Variants in WAPL observed in about 807,000 individuals in gnomAD.
The protein encoded by WAPL is wings apart-like protein homolog.
A neutral mutation model predicts 121.0 loss-of-function variants in WAPL; 5 were observed. The ratio of observed to expected loss-of-function variants is 0.04; its 90% CI spans 0.02 to 0.09. WAPL has a LOEUF of 0.09. Among genes scored for constraint, WAPL ranks in the 10% least tolerant of loss-of-function variants. WAPL has a pLI of 1.00. For missense variants in WAPL, 999 were observed against 1,410.8 expected (o/e 0.71, Z 4.68); for synonymous variants, 480 against 481.5 (o/e 1.00, Z 0.04).
intron 8 of WAPL, among the ~76,000 whole-genome samples, chr10:86,469,519 G>C (rs1365610294): frequency 6.6e-6 from 1 of 151,888 alleles, no homozygotes; most frequent in Non-Finnish European, 1.5e-5. Context: ...CTCCCAAAGT[G>C]CTAGGATTAT....
intron 12 of WAPL, among the ~76,000 whole-genome samples, chr10:86,457,471 G>A: frequency 6.6e-6 from 1 of 151,908 alleles, no homozygotes. Flanking sequence ...TGGTCAACAT[G>A]GTGAAACCCC....
At chr10:86,480,505 G>C (rs1841756877) in intron 4 of WAPL, among the ~76,000 whole-genome samples, 1 of 152,102 alleles carries the variant, frequency 6.6e-6, no homozygotes, top group African/African-American at 2.4e-5. Flanking sequence ...ACTAGTATGA[G>C]AGCCATGACC....
At chr10:86,495,696 T>C (rs1484442147) in intron 4 of WAPL, among the ~76,000 whole-genome samples, 1 of 152,136 alleles carries the variant, frequency 6.6e-6, no homozygotes. Flanking sequence ...TGTTTTTGCA[T>C]CAAAGGACAA....
chr10:86,496,880 G>T (rs1842160204), intron 4 of WAPL, among the ~76,000 whole-genome samples: 1 of 34,238 alleles, frequency 2.9e-5, no homozygotes, highest in African/African-American at 8.1e-5. Flanking sequence ...TTGACTAGGT[G>T]TGCAGTGGGG....
intron 1 of WAPL, among the ~76,000 whole-genome samples, chr10:86,520,769 A>T (rs1393024986): frequency 9.9e-5 from 9 of 90,944 alleles, no homozygotes; most frequent in African/African-American, 2.2e-4. Flanking sequence ...TGTGATTTAA[A>T]AAAAAAAAAA....
At chr10:86,497,740 C>T (rs552567284) in intron 3 of WAPL, among the ~76,000 whole-genome samples, 82 of 152,280 alleles carry the variant, frequency 5.4e-4, no homozygotes, top group Non-Finnish European at 9.4e-4. Flanking sequence ...TCCACTAAAT[C>T]ATGTTGGCCT....
At chr10:86,512,375 A>C (rs143909518) in intron 2 of WAPL, among the ~76,000 whole-genome samples, 1 of 152,376 alleles carries the variant, frequency 6.6e-6, no homozygotes, top group East Asian at 1.9e-4. Flanking sequence ...TGTAGACTGA[A>C]TCCCAGCTGG....
chr10:86,503,509 T>C (rs1435447261), intron 2 of WAPL, among the ~76,000 whole-genome samples: 2 of 152,100 alleles, frequency 1.3e-5, no homozygotes, highest in Admixed American at 6.5e-5. Flanking sequence ...TCCCAGCACT[T>C]TGGGAGGCCG....
chr10:86,464,669 A>C (rs181099870), intron 9 of WAPL, among the ~76,000 whole-genome samples: 130 of 152,328 alleles, frequency 8.5e-4, no homozygotes, highest in Non-Finnish European at 1.0e-3. Context: ...CTCTGTCTCT[A>C]CTAAAAATAC....
chr10:86,494,113 G>A (rs777581017), intron 4 of WAPL, among the ~76,000 whole-genome samples: 13 of 152,180 alleles, frequency 8.5e-5, no homozygotes, highest in Non-Finnish European at 1.8e-4. Context: ...ACAAATAAAG[G>A]TAGGACTTCT....
At chr10:86,461,880 A>C (rs1841284391) in intron 9 of WAPL, among the ~76,000 whole-genome samples, 2 of 151,824 alleles carry the variant, frequency 1.3e-5, no homozygotes, top group Admixed American at 1.3e-4. Flanking sequence ...GTCTTTTCTT[A>C]TTATTTGGTG....
intron 1 of WAPL, among the ~76,000 whole-genome samples, chr10:86,520,549 T>A (rs1207451742): frequency 1.3e-5 from 2 of 152,106 alleles, no homozygotes; most frequent in Non-Finnish European, 2.9e-5. Flanking sequence ...AATGGCATTA[T>A]CTAAGCGTAA....
chr10:86,455,475 G>C (rs1421598812), intron 12 of WAPL, among the ~76,000 whole-genome samples: 2 of 151,964 alleles, frequency 1.3e-5, no homozygotes, highest in Non-Finnish European at 2.9e-5. Flanking sequence ...ACAGATGCTT[G>C]AAGGCAGCAT....
chr10:86,491,136 CT>C (rs34863367), intron 4 of WAPL, among the ~76,000 whole-genome samples: 58,885 of 102,712 alleles, frequency 0.57, 18,546 homozygotes, highest in Non-Finnish European at 0.72. Context: ...ACTCATGGTT[CT>C]TTTTTTTTTT....
rs1043175347 is a variant in WAPL at position 86,472,908 on chromosome 10, T to C, written c.1741-144A>G. On this transcript the variant is annotated intron_variant, in intron 5 of 18. Coordinates refer to ENST00000298767, the MANE Select transcript of WAPL (RefSeq NM_015045.5). This position sits in a 1 kb window ranked among gnomAD's most constrained non-coding sequence, Gnocchi z 4.2. ...AGCAGGGAGGCCTCTCAAAGGTCTT[T>C]AGAAATACTTTGAATTCCATGCACT... 10 of 763,240 alleles carry C rather than the reference T, an allele frequency of 1.3e-5. No homozygotes were observed. The highest frequency in any genetic ancestry group is 1.2e-5 in the Non-Finnish European group (6 of 505,774). The allele number at this position is 763,240 out of a possible 1,614,324, so 47.3% of individuals were successfully genotyped here. A position where few individuals can be genotyped will look rare whatever the true frequency, so the allele number is the denominator to read the frequency against.
intron 11 of WAPL, among the ~76,000 whole-genome samples, chr10:86,459,364 C>A (rs1379854072): frequency 1.3e-5 from 2 of 152,330 alleles, no homozygotes; most frequent in Admixed American, 6.5e-5. Flanking sequence ...CCTCAACTTA[C>A]AAATAACGTA....
At chr10:86,462,934 T>C (rs1370894288) in intron 9 of WAPL, among the ~76,000 whole-genome samples, 1 of 152,176 alleles carries the variant, frequency 6.6e-6, no homozygotes, top group Non-Finnish European at 1.5e-5. Context: ...GATGGTAATT[T>C]GATATTAATA....
At chr10:86,453,884 G>C in intron 12 of WAPL, 53 bp from the exon 13 acceptor site, 1 of 1,320,494 alleles carries the variant, frequency 7.6e-7, no homozygotes, top group Non-Finnish European at 9.8e-7. Context: ...TAGGTACACA[G>C]CAAATTTCTA....
chr10:86,483,238 T>C (rs1431791848), intron 4 of WAPL, among the ~76,000 whole-genome samples: 4 of 152,014 alleles, frequency 2.6e-5, no homozygotes, highest in Admixed American at 1.3e-4. Flanking sequence ...CTGACCAACA[T>C]GGAAAAACCC....
Sources: allele counts gnomAD v4.1 joint callset (sites outside exome capture counted in the v4.1 genomes callset), GRCh38; gene constraint gnomAD v4.1.1; non-coding constraint Gnocchi (gnomAD v3.1); transcripts MANE v1.5; gene names NCBI Gene and HGNC (gene_info 2026-07-23, HGNC 2026-07-21).